The following CSMD3 variants were observed in gnomAD, a reference collection of about 807,000 sequenced individuals.
CSMD3 encodes the protein CUB and Sushi multiple domains 3, also known as CUB and sushi domain-containing protein 3.
Under a neutral mutation model 435.2 loss-of-function variants are expected in CSMD3, and 177 were observed. The ratio of observed to expected loss-of-function variants is 0.41; its 90% confidence interval spans 0.36 to 0.46. The LOEUF (loss-of-function observed/expected upper bound fraction) is 0.46. Among genes scored for constraint, CSMD3 ranks in the 20% least tolerant of loss-of-function variants. The pLI is 0.34. For missense variants in CSMD3, 4,265 were observed against 4,504.6 expected (o/e 0.95, Z 1.52); for synonymous variants, 1,656 against 1,520.5 (o/e 1.09, Z -2.07).
intron 5 of CSMD3, among the ~76,000 whole-genome samples, chr8:113,054,091 T>G (rs1237551792): frequency 6.6e-6 from 1 of 152,186 alleles, no homozygotes; most frequent in Non-Finnish European, 1.5e-5. Flanking sequence ...ACTCTTGTTA[T>G]GACATTTTGT....
chr8:112,799,836 C>T (rs2078919648), intron 13 of CSMD3, among the ~76,000 whole-genome samples: 1 of 151,656 alleles, frequency 6.6e-6, no homozygotes, highest in Admixed American at 6.6e-5. Flanking sequence ...AGAATCTTTG[C>T]CAGGAAAATT....
intron 32 of CSMD3, among the ~76,000 whole-genome samples, chr8:112,412,867 A>C (rs1005018374): frequency 2.6e-5 from 4 of 152,098 alleles, no homozygotes; most frequent in Non-Finnish European, 5.9e-5. Flanking sequence ...ATTTCTGTTT[A>C]TTGATGTGGC....
chr8:112,544,358 G>A (rs1381415590), intron 27 of CSMD3, among the ~76,000 whole-genome samples: 1 of 152,048 alleles, frequency 6.6e-6, no homozygotes, highest in South Asian at 2.1e-4. Context: ...CATTATTATG[G>A]CTTCAAATAA....
At chr8:113,276,759 T>A (rs2093574031) in intron 3 of CSMD3, among the ~76,000 whole-genome samples, 1 of 152,074 alleles carries the variant, frequency 6.6e-6, no homozygotes, top group South Asian at 2.1e-4. Flanking sequence ...TTGAACAAGA[T>A]ACTGTGAATC....
At chr8:113,338,265 A>G (rs1477146437) in intron 1 of CSMD3, among the ~76,000 whole-genome samples, 2 of 151,914 alleles carry the variant, frequency 1.3e-5, no homozygotes, top group Non-Finnish European at 2.9e-5. Flanking sequence ...GTTGTCAAAG[A>G]TATGATAGAA....
rs372756932 is a variant in CSMD3, at chr8:112,715,197, G to C, written c.1973-25147C>G. On this transcript the variant is annotated intron_variant, in intron 13 of 70. Transcript: ENST00000297405. ...CTAGCTACACTAATGAAGGAGAAAAGAGATAAGAATCAAATAGACACAATA... is the reference window on the plus strand; with the variant it reads ...CTAGCTACACTAATGAAGGAGAAAACAGATAAGAATCAAATAGACACAATA... Among the ~76,000 whole-genome samples, 21 of 152,064 alleles carry C rather than the reference G, an allele frequency of 1.4e-4. 1 individual carries two copies. The South Asian group carries it at 4.4e-3, about 32-fold the overall frequency.
intron 27 of CSMD3, among the ~76,000 whole-genome samples, chr8:112,541,171 T>C (rs1271980323): frequency 1.3e-5 from 2 of 151,732 alleles, no homozygotes; most frequent in South Asian, 2.1e-4. Context: ...AATAAACACC[T>C]ACATAAAAAG....
chr8:112,286,804 A>G (rs1172567598), intron 58 of CSMD3, among the ~76,000 whole-genome samples: 1 of 152,140 alleles, frequency 6.6e-6, no homozygotes, highest in Non-Finnish European at 1.5e-5. Flanking sequence ...TAACAAATAT[A>G]TATTACTTTT....
intron 10 of CSMD3, among the ~76,000 whole-genome samples, chr8:112,870,369 C>T (rs1440979509): frequency 9.9e-5 from 15 of 151,238 alleles, no homozygotes; most frequent in Non-Finnish European, 8.8e-5. Flanking sequence ...CCCGGGTTCA[C>T]GCCATTTTCC....
intron 1 of CSMD3, among the ~76,000 whole-genome samples, chr8:113,427,201 T>C (rs2094640772): frequency 6.6e-6 from 1 of 151,494 alleles, no homozygotes; most frequent in Non-Finnish European, 1.5e-5. Context: ...TTTTATCATA[T>C]ACACAAGAAA....
intron 5 of CSMD3, among the ~76,000 whole-genome samples, chr8:113,043,470 A>G (rs1233306303): frequency 1.3e-5 from 2 of 152,200 alleles, no homozygotes; most frequent in Admixed American, 1.3e-4. Context: ...ACCCAACTTC[A>G]GAGCTCAGTA....
intron 59 of CSMD3, among the ~76,000 whole-genome samples, chr8:112,267,005 C>T (rs867745490): frequency 2.0e-4 from 31 of 151,518 alleles, no homozygotes; most frequent in African/African-American, 5.6e-4. Context: ...TATTTTTTTT[C>T]TCTCTCTCTC....
chr8:112,246,284 A>G (rs1156459413), intron 64 of CSMD3, among the ~76,000 whole-genome samples: 3 of 152,208 alleles, frequency 2.0e-5, no homozygotes, highest in East Asian at 3.9e-4. Context: ...TGTATGCTTC[A>G]GCAAATCCTA....
At chr8:113,166,620 CTT>C (rs2092155090) in intron 4 of CSMD3, among the ~76,000 whole-genome samples, 1 of 152,108 alleles carries the variant, frequency 6.6e-6, no homozygotes, top group Non-Finnish European at 1.5e-5. Context: ...GCTATGTTAA[CTT>C]TGGAAAATAT....
intron 31 of CSMD3, among the ~76,000 whole-genome samples, chr8:112,491,677 A>G (rs1481975057): frequency 6.6e-6 from 1 of 152,064 alleles, no homozygotes; most frequent in Non-Finnish European, 1.5e-5. Flanking sequence ...TACTCTCTCT[A>G]TGTTCCTTAA....
chr8:113,411,324 T>A (rs998063241), intron 1 of CSMD3, among the ~76,000 whole-genome samples: 1 of 152,124 alleles, frequency 6.6e-6, no homozygotes. Context: ...GTAACTTTAG[T>A]TAGGAAACTC....
At chr8:113,113,539 A>G (rs997190089) in intron 4 of CSMD3, among the ~76,000 whole-genome samples, 3 of 152,322 alleles carry the variant, frequency 2.0e-5, no homozygotes, top group African/African-American at 7.2e-5. Flanking sequence ...TCACATTTTC[A>G]TACTTCCTAT....
intron 35 of CSMD3, among the ~76,000 whole-genome samples, chr8:112,396,538 C>T (rs957727309): frequency 7.2e-5 from 11 of 152,174 alleles, no homozygotes; most frequent in African/African-American, 2.6e-4. Context: ...AGAGTATCAC[C>T]ATGTGGTGGA....
intron 45 of CSMD3, among the ~76,000 whole-genome samples, 179 bp downstream of exon 45, chr8:112,335,150 A>T (rs1016412585): frequency 6.6e-6 from 1 of 152,182 alleles, no homozygotes; most frequent in African/African-American, 2.4e-5. Flanking sequence ...GTCCCTGAAT[A>T]CTTAGAAGAG....
Sources: allele counts gnomAD v4.1 joint callset (sites outside exome capture counted in the v4.1 genomes callset), GRCh38; gene constraint gnomAD v4.1.1; transcripts MANE v1.5; gene names NCBI Gene and HGNC (gene_info 2026-07-23, HGNC 2026-07-21).